Variants in PACRGL observed in about 807,000 individuals in gnomAD.
The protein encoded by PACRGL is PACRG-like protein.
In PACRGL, 38 loss-of-function variants were observed where a neutral mutation model predicts 34.5. The observed-to-expected ratio is 1.10, with a 90% CI of 0.85 to 1.44. The LOEUF (loss-of-function observed/expected upper bound fraction) is 1.44, where lower values mean the gene tolerates loss of function less well. PACRGL is among the 40% of genes most tolerant of loss of function. PACRGL has a pLI of 0.00. For synonymous variants in PACRGL, 128 were observed against 100.1 expected (o/e 1.28, Z -1.66); for missense variants, 305 against 281.4 (o/e 1.08, Z -0.60).
At chr4:20,716,796 A>C (rs1469475740) in intron 7 of PACRGL, among the ~76,000 whole-genome samples, 1 of 152,124 alleles carries the variant, frequency 6.6e-6, no homozygotes. Flanking sequence ...ATAAACATAC[A>C]TGTGCATGTG....
chr4:20,741,681 CA>C (rs1487737682), intron 8 of PACRGL, among the ~76,000 whole-genome samples: 2 of 152,110 alleles, frequency 1.3e-5, no homozygotes, highest in Non-Finnish European at 2.9e-5. Flanking sequence ...AGAGCAAACA[CA>C]TTCAAAAGCT....
At chr4:20,732,844 GA>G, downstream of PACRGL, 1 of 1,040,456 alleles carries the variant, frequency 9.6e-7, no homozygotes, top group South Asian at 1.4e-5. Flanking sequence ...ACCAGTCTAA[GA>G]AGCTCTGACA....
intron 4 of PACRGL, 102 bp from the exon 5 acceptor site, chr4:20,709,581 G>T: frequency 1.4e-6 from 1 of 700,568 alleles, no homozygotes; most frequent in Non-Finnish European, 2.3e-6. Flanking sequence ...ATTCCTACAT[G>T]TTACAAAATA....
Position 20,727,531 on chromosome 4 carries a change from AT to A in PACRGL, c.*191del. On this transcript the variant is annotated 3_prime_UTR_variant, in exon 9 of 9. Coordinates refer to ENST00000503585, the MANE Select transcript of PACRGL (RefSeq NM_001258345.3). Reference sequence around the variant, plus strand: ...CAGTTACTAATGGAAAGTTATTAAAATAAGTTCTATAAGAGTACAATTTTGA... The same window carrying A: ...CAGTTACTAATGGAAAGTTATTAAAAAAGTTCTATAAGAGTACAATTTTGA... The A allele has an allele frequency of 2.1e-6, 1 of 476,018 alleles. No homozygotes were observed. Among genetic ancestry groups the A allele is most frequent in the Non-Finnish European group, 3.8e-6 (1 of 266,616 alleles). The allele number at this position is 476,018 out of a possible 1,614,324, so 29.5% of individuals were successfully genotyped here.
At chr4:20,707,950 A>T (rs988347375) in intron 4 of PACRGL, 80 bp downstream of exon 4, 1 of 1,119,024 alleles carries the variant, frequency 8.9e-7, no homozygotes, top group Non-Finnish European at 1.3e-6. Flanking sequence ...GTTTAAATGT[A>T]TTGTAAGTTT....
chr4:20,755,676 T>TGTTTAAGGTGTTGCA (rs1352323489), downstream of PACRGL, among the ~76,000 whole-genome samples: 1 of 152,050 alleles, frequency 6.6e-6, no homozygotes, highest in Non-Finnish European at 1.5e-5. Flanking sequence ...GGATGGGGAA[T>TGTTTAAGGTGTTGCA]GTTTAAGGTG....
Position 20,702,958 on chromosome 4 carries a change from T to G in PACRGL, c.-16-1508T>G, listed in dbSNP as rs138566013. Among the ~76,000 whole-genome samples, 141 of 152,342 alleles carry G rather than the reference T, an allele frequency of 9.3e-4. 2 individuals carry two copies. In the East Asian group the frequency reaches 0.013, roughly 14 times the overall value. ...AATTATTCAGTGTGCAGAAGCAAGC[T>G]TACATTTAGGTTATCTTTACATGGT... On this transcript the variant is annotated intron_variant, in intron 1 of 8. Transcript: ENST00000503585.
Position 20,729,292 on chromosome 4 carries a change from G to GCCTTCTTCAACTTCCACTTAAT in PACRGL, c.*1952_*1973dup, listed in dbSNP as rs879683018. 5.9e-5 allele frequency: 9 copies of GCCTTCTTCAACTTCCACTTAAT among 151,964 alleles called. No individual in the cohort carries two copies. The Admixed American group carries it at 6.0e-4, about 10-fold the overall frequency. 9.4% of individuals were successfully genotyped at this position (151,964 alleles called of 1,614,324 possible). A position where few individuals can be genotyped will look rare whatever the true frequency, so the allele number is the denominator to read the frequency against. On this transcript the variant is annotated 3_prime_UTR_variant, in exon 9 of 9. Transcript: ENST00000503585. ...TGTAAACATCCTTGTTTTGTTTGAT[G>GCCTTCTTCAACTTCCACTTAAT]CCTTCTTCAACTTCCACTTAATGAT...
At chr4:20,760,465 T>G in the PACRGL span, among the ~76,000 whole-genome samples, 1 of 151,386 alleles carries the variant, frequency 6.6e-6, no homozygotes, top group South Asian at 2.1e-4. Context: ...GTGAGTCAGT[T>G]ACTCAACTGT....
chr4:20,736,674 A>G (rs1749709356), downstream of PACRGL, among the ~76,000 whole-genome samples: 1 of 152,216 alleles, frequency 6.6e-6, no homozygotes, highest in Admixed American at 6.5e-5. Context: ...ACTTGAGAAT[A>G]TTTCAATTCG....
chr4:20,709,618 A>G, intron 4 of PACRGL, 65 bp from the exon 5 acceptor site: 2 of 1,040,538 alleles, frequency 1.9e-6, no homozygotes, highest in Non-Finnish European at 2.9e-6. Flanking sequence ...ACTGTATGTT[A>G]GATTATCCCT....
rs982463235 is a variant in PACRGL, at chr4:20,729,224, A to G, written c.*1883A>G. On this transcript the variant is annotated 3_prime_UTR_variant, in exon 9 of 9. Coordinates refer to ENST00000503585, the MANE Select transcript of PACRGL (RefSeq NM_001258345.3). ...TTAGGATTACTTGTTATTAAGCATTACTATATACTGGAGGATAGATATCCT... is the reference window on the plus strand; with the variant it reads ...TTAGGATTACTTGTTATTAAGCATTGCTATATACTGGAGGATAGATATCCT... The G allele has an allele frequency of 6.6e-6, 1 of 152,100 alleles. No homozygotes were observed. Among genetic ancestry groups the G allele is most frequent in the African/African-American group, 2.4e-5 (1 of 41,424 alleles). 9.4% of individuals were successfully genotyped at this position (152,100 alleles called of 1,614,324 possible). A position where few individuals can be genotyped will look rare whatever the true frequency, so the allele number is the denominator to read the frequency against.
At chr4:20,737,008 GGCCAATTGATTTTCGATAATGGT>G (rs2149284296), downstream of PACRGL, among the ~76,000 whole-genome samples, 1 of 152,250 alleles carries the variant, frequency 6.6e-6, no homozygotes, top group Non-Finnish European at 1.5e-5. Flanking sequence ...AGCTGTCTGT[GGCCAATTGATTTTCGATAATGGT>G]GCCAAGACCA....
At position 20,724,877 on chromosome 4, in the gene PACRGL, C is replaced by A; in HGVS notation, c.679C>A (p.His227Asn). ...ITSALQKLEQ[H>N]GGSGSLSIIK... is the part of the protein sequence containing the mutation. Reference sequence around the variant, plus strand: ...CAGCGCATTACAAAAGCTAGAGCAACATGGTGGAAGTGTAAGTAGAATATT... The same window carrying A: ...CAGCGCATTACAAAAGCTAGAGCAAAATGGTGGAAGTGTAAGTAGAATATT... The change falls in exon 8 of 9, where the codon CAT becomes AAT. Residue 227 changes from histidine (H) to asparagine (N), a missense_variant. Coordinates refer to ENST00000503585, the MANE Select transcript of PACRGL (RefSeq NM_001258345.3). 1 of 1,482,172 alleles carries A rather than the reference C, an allele frequency of 6.7e-7. No homozygotes were observed. 91.8% of individuals were successfully genotyped at this position (1,482,172 alleles called of 1,614,324 possible).
At chr4:20,762,683 A>C in the PACRGL span, among the ~76,000 whole-genome samples, 1 of 152,252 alleles carries the variant, frequency 6.6e-6, no homozygotes, top group Non-Finnish European at 1.5e-5. Context: ...TTGCTGCTGT[A>C]AAATTAGGCC....
At chr4:20,762,831 T>C in the PACRGL span, among the ~76,000 whole-genome samples, 1 of 152,174 alleles carries the variant, frequency 6.6e-6, no homozygotes, top group Non-Finnish European at 1.5e-5. Flanking sequence ...TGCCCAAGTC[T>C]GGGTAATTTA....
At chr4:20,738,749 G>T (rs952166784) in intron 8 of PACRGL, among the ~76,000 whole-genome samples, 1 of 152,196 alleles carries the variant, frequency 6.6e-6, no homozygotes, top group African/African-American at 2.4e-5. Flanking sequence ...TTGTTGGACA[G>T]TGGATGCAGC....
intron 8 of PACRGL, among the ~76,000 whole-genome samples, chr4:20,751,517 T>C (rs191289660): frequency 1.2e-4 from 18 of 151,634 alleles, no homozygotes; most frequent in Admixed American, 7.2e-4. Context: ...CGATGGTGTG[T>C]TGAACTGATT....
At chr4:20,740,268 G>A (rs1750744915) in intron 8 of PACRGL, among the ~76,000 whole-genome samples, 1 of 152,086 alleles carries the variant, frequency 6.6e-6, no homozygotes, top group East Asian at 1.9e-4. Context: ...GCAATTCCAA[G>A]ACACATAAAT....
Sources: allele counts gnomAD v4.1 joint callset (sites outside exome capture counted in the v4.1 genomes callset), GRCh38; gene constraint gnomAD v4.1.1; transcripts MANE v1.5; gene names NCBI Gene and HGNC (gene_info 2026-07-23, HGNC 2026-07-21).